Variants in EYS observed in about 807,000 individuals in gnomAD.
EYS encodes the protein protein eyes shut homolog.
Under a neutral mutation model 282.1 loss-of-function variants are expected in EYS, and 250 were observed. The observed-to-expected ratio is 0.89, with a 90% confidence interval of 0.80 to 0.98. The LOEUF (loss-of-function observed/expected upper bound fraction) is 0.98. EYS is among the 50% of genes least tolerant of loss of function. The probability of loss-of-function intolerance (pLI) is 0.00; values close to 1 mark genes in which losing one functional copy is unlikely to be tolerated. For synonymous variants in EYS, 1,355 were observed against 1,282.9 expected, an observed-to-expected ratio of 1.06 and a Z score of -1.20; for missense variants, 4,016 against 3,709.0, an observed-to-expected ratio of 1.08 and a Z score of -2.15.
intron 22 of EYS, among the ~76,000 whole-genome samples, chr6:64,781,576 C>CAAA (rs5876923): frequency 6.8e-5 from 6 of 87,732 alleles, no homozygotes; most frequent in Admixed American, 1.2e-4. Flanking sequence ...GACTCCGTCT[C>CAAA]AAAAAAAAAA....
chr6:64,965,665 A>G (rs188059455), intron 14 of EYS, among the ~76,000 whole-genome samples: 2 of 152,234 alleles, frequency 1.3e-5, no homozygotes, highest in Middle Eastern at 3.4e-3. Flanking sequence ...CATTTATTTT[A>G]TAGAGGTTAT....
chr6:63,832,310 A>G (rs4710442), intron 36 of EYS, among the ~76,000 whole-genome samples: 150,730 of 151,720 alleles, frequency 0.99, 74,879 homozygotes, highest in Middle Eastern at 1. Flanking sequence ...CAAAATTGAT[A>G]GACCGCTAGC....
chr6:65,106,890 T>C (rs1336216586), intron 12 of EYS, among the ~76,000 whole-genome samples: 1 of 152,042 alleles, frequency 6.6e-6, no homozygotes, highest in East Asian at 1.9e-4. Context: ...TGCACAAATA[T>C]TTATAGATAG....
intron 40 of EYS, among the ~76,000 whole-genome samples, chr6:63,775,244 C>T (rs1330494412): frequency 6.6e-6 from 1 of 152,194 alleles, no homozygotes; most frequent in Non-Finnish European, 1.5e-5. Context: ...GGCCCCATCT[C>T]TCTCCTTACT....
chr6:64,706,045 G>C (rs757917325), intron 22 of EYS, among the ~76,000 whole-genome samples: 45 of 149,500 alleles, frequency 3.0e-4, no homozygotes, highest in Non-Finnish European at 6.1e-4. Context: ...AAATCTGGAG[G>C]CATCACATTA....
At chr6:65,527,573 G>A (rs1419717634) in intron 2 of EYS, among the ~76,000 whole-genome samples, 1 of 152,120 alleles carries the variant, frequency 6.6e-6, no homozygotes, top group South Asian at 2.1e-4. Context: ...TGTCATGGTG[G>A]CACAAAAGGT....
At chr6:65,062,705 C>T (rs1309589029) in intron 12 of EYS, among the ~76,000 whole-genome samples, 1 of 151,916 alleles carries the variant, frequency 6.6e-6, no homozygotes, top group East Asian at 1.9e-4. Flanking sequence ...ACCTGAGGGT[C>T]TTGCTCTAAC....
chr6:65,234,187 T>C (rs909796539), intron 12 of EYS, among the ~76,000 whole-genome samples: 8 of 152,198 alleles, frequency 5.3e-5, no homozygotes, highest in African/African-American at 1.7e-4. Flanking sequence ...GAGCTCTTTG[T>C]CATACGGCCA....
At chr6:64,594,729 T>C (rs1766525166) in intron 24 of EYS, among the ~76,000 whole-genome samples, 1 of 149,356 alleles carries the variant, frequency 6.7e-6, no homozygotes, top group Non-Finnish European at 1.5e-5. Context: ...TTAGGAGATA[T>C]ACCTAATGCT....
At position 65,505,274 on chromosome 6, in the gene EYS, A is replaced by G. The variant is rs193279967; in HGVS notation, c.-332-9281T>C. ...AATCCCTGTTTGATTTATTATATTAATAACTTGTGTCCTCTCTCTCTTTTC... is the reference window on the plus strand; with the variant it reads ...AATCCCTGTTTGATTTATTATATTAGTAACTTGTGTCCTCTCTCTCTTTTC... On this transcript the variant is annotated intron_variant, in intron 2 of 42. Coordinates refer to ENST00000503581, the MANE Select transcript of EYS (RefSeq NM_001142800.2). Among the ~76,000 whole-genome samples the G allele has an allele frequency of 1.2e-3, 181 of 147,074 alleles. 1 individual carries two copies. The highest frequency in any genetic ancestry group is 2.3e-3 in the Non-Finnish European group (149 of 65,396).
At chr6:65,177,447 G>A (rs1263471453) in intron 12 of EYS, among the ~76,000 whole-genome samples, 1 of 151,790 alleles carries the variant, frequency 6.6e-6, no homozygotes, top group East Asian at 1.9e-4. Context: ...CCAATTAAGT[G>A]TTTGTCATAG....
intron 2 of EYS, among the ~76,000 whole-genome samples, chr6:65,603,520 C>T (rs1208713135): frequency 6.6e-6 from 1 of 151,754 alleles, no homozygotes; most frequent in Non-Finnish European, 1.5e-5. Context: ...TTTCTTTGAA[C>T]CCCCTGTTAC....
intron 22 of EYS, among the ~76,000 whole-genome samples, chr6:64,809,427 T>G (rs1764530668): frequency 6.6e-6 from 1 of 151,594 alleles, no homozygotes; most frequent in Non-Finnish European, 1.5e-5. Flanking sequence ...TACACAAATT[T>G]CAGAAAAACT....
intron 29 of EYS, among the ~76,000 whole-genome samples, chr6:64,329,710 T>C (rs1175521767): frequency 1.3e-5 from 2 of 152,100 alleles, no homozygotes; most frequent in South Asian, 2.1e-4. Flanking sequence ...AAATTTGGGA[T>C]AATAGAAAGA....
intron 35 of EYS, among the ~76,000 whole-genome samples, chr6:63,973,695 T>G (rs2149785308): frequency 6.6e-6 from 1 of 152,264 alleles, no homozygotes; most frequent in East Asian, 1.9e-4. Context: ...AATTATTAGG[T>G]CAATGGCAGT....
intron 2 of EYS, among the ~76,000 whole-genome samples, chr6:65,500,825 G>A (rs1235616616): frequency 6.6e-6 from 1 of 151,914 alleles, no homozygotes; most frequent in African/African-American, 2.4e-5. Flanking sequence ...TGTAGGGAAT[G>A]TGCAAGGGTC....
At chr6:63,949,796 T>C (rs1418960891) in intron 35 of EYS, among the ~76,000 whole-genome samples, 1 of 152,222 alleles carries the variant, frequency 6.6e-6, no homozygotes, top group African/African-American at 2.4e-5. Context: ...GTCACAACAC[T>C]GTCACCAACC....
chr6:63,947,556 A>C (rs551725257), intron 35 of EYS, among the ~76,000 whole-genome samples: 1 of 152,266 alleles, frequency 6.6e-6, no homozygotes, highest in South Asian at 2.1e-4. Flanking sequence ...AGGAATTTAC[A>C]TATATAATTG....
At chr6:64,942,064 A>G (rs1311365717) in intron 15 of EYS, among the ~76,000 whole-genome samples, 1 of 152,104 alleles carries the variant, frequency 6.6e-6, no homozygotes, top group Admixed American at 6.6e-5. Context: ...GAACTAATTT[A>G]TATCCCAACA....
Sources: allele counts gnomAD v4.1 joint callset (sites outside exome capture counted in the v4.1 genomes callset), GRCh38; gene constraint gnomAD v4.1.1; transcripts MANE v1.5; gene names NCBI Gene and HGNC (gene_info 2026-07-23, HGNC 2026-07-21).